Variants in PARD3 observed in about 807,000 individuals in gnomAD.
The protein encoded by PARD3 is par-3 family cell polarity regulator.
PARD3 carries 75 observed loss-of-function variants against 155.4 expected under a neutral mutation model. That is an observed-to-expected ratio of 0.48 (90% CI 0.40 to 0.58). PARD3 has a LOEUF of 0.58. Among genes scored for constraint, PARD3 ranks in the 20% least tolerant of loss-of-function variants. The pLI is 0.00. For synonymous variants in PARD3, 576 were observed against 610.5 expected (o/e 0.94, Z 0.83); for missense variants, 1,642 against 1,721.7 (o/e 0.95, Z 0.82).
At chr10:34,280,633 G>C (rs573800688) in intron 21 of PARD3, among the ~76,000 whole-genome samples, 31 of 152,120 alleles carry the variant, frequency 2.0e-4, no homozygotes, top group Admixed American at 3.9e-4. Flanking sequence ...TCGCAGTTCT[G>C]GAAAACAATC....
intron 12 of PARD3, among the ~76,000 whole-genome samples, chr10:34,371,006 A>G (rs1490243085): frequency 4.6e-5 from 7 of 152,178 alleles, no homozygotes; most frequent in Non-Finnish European, 1.0e-4. Flanking sequence ...TTTAACACAC[A>G]TGCACATACC....
chr10:34,300,711 T>G (rs1262618680), intron 20 of PARD3, among the ~76,000 whole-genome samples: 1 of 152,124 alleles, frequency 6.6e-6, no homozygotes, highest in African/African-American at 2.4e-5. Context: ...CTATAAGTAC[T>G]TTTCTTGTTC....
chr10:34,643,613 C>T (rs1216476131), intron 2 of PARD3, among the ~76,000 whole-genome samples: 1 of 152,212 alleles, frequency 6.6e-6, no homozygotes, highest in Non-Finnish European at 1.5e-5. Flanking sequence ...CATCACTTCT[C>T]ATGTAAATCT....
chr10:34,171,199 G>C (rs1381610547), intron 22 of PARD3, among the ~76,000 whole-genome samples: 1 of 152,100 alleles, frequency 6.6e-6, no homozygotes, highest in Non-Finnish European at 1.5e-5. Flanking sequence ...TAAAACTCAA[G>C]CTTTACTGAA....
At chr10:34,404,369 AG>A (rs1844216155) in intron 5 of PARD3, among the ~76,000 whole-genome samples, 1 of 152,240 alleles carries the variant, frequency 6.6e-6, no homozygotes, top group African/African-American at 2.4e-5. Flanking sequence ...TCAATATTTA[AG>A]AACTATACAG....
intron 14 of PARD3, among the ~76,000 whole-genome samples, chr10:34,353,471 T>C (rs938610469): frequency 6.6e-6 from 1 of 152,294 alleles, no homozygotes; most frequent in East Asian, 1.9e-4. Context: ...TTAAATGGAT[T>C]AAGGGCGGTG....
intron 2 of PARD3, among the ~76,000 whole-genome samples, chr10:34,639,437 A>C (rs754407035): frequency 6.6e-6 from 1 of 152,238 alleles, no homozygotes; most frequent in Non-Finnish European, 1.5e-5. Flanking sequence ...CACGTTTTTA[A>C]ACAAACAGGA....
chr10:34,242,904 C>T (rs1953701360), intron 22 of PARD3, among the ~76,000 whole-genome samples: 1 of 152,148 alleles, frequency 6.6e-6, no homozygotes, highest in African/African-American at 2.4e-5. Flanking sequence ...TATTGCACTC[C>T]AACCTGGGCA....
At chr10:34,159,790 T>C (rs1949187333) in intron 22 of PARD3, among the ~76,000 whole-genome samples, 1 of 152,174 alleles carries the variant, frequency 6.6e-6, no homozygotes, top group Non-Finnish European at 1.5e-5. Context: ...ATTTTATAGA[T>C]GAGGTTAAGA....
intron 1 of PARD3, among the ~76,000 whole-genome samples, chr10:34,763,802 T>G (rs1432231671): frequency 6.6e-6 from 1 of 152,242 alleles, no homozygotes; most frequent in Non-Finnish European, 1.5e-5. Flanking sequence ...ACACAGATTA[T>G]GTGATTTTCT....
At chr10:34,404,388 C>T (rs530304017) in intron 5 of PARD3, among the ~76,000 whole-genome samples, 7 of 152,218 alleles carry the variant, frequency 4.6e-5, no homozygotes, top group South Asian at 2.1e-4. Context: ...CAGTACTGGC[C>T]GGGTGAGGTG....
intron 24 of PARD3, among the ~76,000 whole-genome samples, chr10:34,116,312 C>T (rs955643369): frequency 6.6e-6 from 1 of 152,240 alleles, no homozygotes; most frequent in African/African-American, 2.4e-5. Flanking sequence ...TTACGCTCCA[C>T]TTTGTAACTA....
intron 2 of PARD3, among the ~76,000 whole-genome samples, chr10:34,587,067 G>T (rs754968631): frequency 3.0e-4 from 46 of 152,126 alleles, no homozygotes; most frequent in Non-Finnish European, 5.9e-4. Context: ...GGTAGACATG[G>T]TAAATTAAGC....
chr10:34,443,526 A>G (rs776059871), intron 5 of PARD3, among the ~76,000 whole-genome samples: 1 of 152,184 alleles, frequency 6.6e-6, no homozygotes, highest in Non-Finnish European at 1.5e-5. Flanking sequence ...GGAGAAAGTC[A>G]CATCTTACAT....
intron 1 of PARD3, among the ~76,000 whole-genome samples, chr10:34,700,772 G>T (rs547112181): frequency 1.3e-5 from 2 of 152,252 alleles, no homozygotes; most frequent in South Asian, 4.2e-4. Flanking sequence ...AGGAGTTAGA[G>T]ACCAGCCTGG....
At chr10:34,415,936 G>A (rs1222052529) in intron 5 of PARD3, among the ~76,000 whole-genome samples, 2 of 152,192 alleles carry the variant, frequency 1.3e-5, no homozygotes, top group African/African-American at 4.8e-5. Flanking sequence ...AGATGAGTAG[G>A]AGGACAGAAG....
At chr10:34,518,142 G>A (rs1023161620) in intron 2 of PARD3, among the ~76,000 whole-genome samples, 1 of 152,208 alleles carries the variant, frequency 6.6e-6, no homozygotes, top group African/African-American at 2.4e-5. Flanking sequence ...GCCTCCCAAA[G>A]TGCTGGGATT....
intron 3 of PARD3, among the ~76,000 whole-genome samples, chr10:34,484,367 C>T (rs772097285): frequency 6.6e-6 from 1 of 152,258 alleles, no homozygotes; most frequent in Admixed American, 6.5e-5. Context: ...GCTAAATGAA[C>T]GACTCTCATA....
chr10:34,301,027 T>C (rs1472977638), intron 20 of PARD3, among the ~76,000 whole-genome samples: 2 of 150,526 alleles, frequency 1.3e-5, no homozygotes, highest in Non-Finnish European at 3.0e-5. Flanking sequence ...ATTCACTTAA[T>C]GTCACCTAAA....
Sources: gnomAD v4.1 joint callset for allele counts (sites outside exome capture counted in the v4.1 genomes callset) on GRCh38, gnomAD v4.1.1 for gene constraint, MANE v1.5 for transcripts, NCBI Gene and HGNC (gene_info 2026-07-23, HGNC 2026-07-21) for gene names.